The following FUBP1 variants were observed in gnomAD, a reference collection of about 807,000 sequenced individuals.
FUBP1 encodes far upstream element binding protein 1.
A neutral mutation model predicts 94.9 loss-of-function variants in FUBP1; 16 were observed. That is an observed-to-expected ratio of 0.17 (90% CI 0.11 to 0.26). The LOEUF (loss-of-function observed/expected upper bound fraction) is 0.26. Among genes scored for constraint, FUBP1 ranks in the 10% least tolerant of loss-of-function variants. The probability of loss-of-function intolerance (pLI) is 1.00; values close to 1 mark genes in which losing one functional copy is unlikely to be tolerated. For synonymous variants in FUBP1, 279 were observed against 254.9 expected, an observed-to-expected ratio of 1.09 and a Z score of -0.90; for missense variants, 583 against 808.6, an observed-to-expected ratio of 0.72 and a Z score of 3.38.
At chr1:77,973,037 A>G (rs933353834) in intron 1 of FUBP1, among the ~76,000 whole-genome samples, 1 of 151,808 alleles carries the variant, frequency 6.6e-6, no homozygotes, top group Non-Finnish European at 1.5e-5. Flanking sequence ...AACTGAAAAA[A>G]CAAAATGAAC....
In FUBP1 at chr1:77,969,914, G is replaced by A. The variant is rs530932701; in HGVS notation, c.211+11C>T. The A allele has an allele frequency of 3.2e-6, 4 of 1,231,684 alleles. No homozygotes were observed. Among genetic ancestry groups the A allele is most frequent in the Admixed American group, 1.9e-5 (1 of 53,222 alleles). The allele number at this position is 1,231,684 out of a possible 1,614,324, so 76.3% of individuals were successfully genotyped here. Reference sequence around the variant, plus strand: ...TGAAAAACAATTTAAAATACTTAGAGTATAACTTACCTCCATCTTCTAAAG... The same window carrying A: ...TGAAAAACAATTTAAAATACTTAGAATATAACTTACCTCCATCTTCTAAAG... On this transcript the variant is annotated intron_variant, in intron 2 of 19. Coordinates refer to ENST00000370768, the MANE Select transcript of FUBP1 (RefSeq NM_003902.5).
intron 18 of FUBP1, among the ~76,000 whole-genome samples, chr1:77,954,068 C>T (rs146120562): frequency 3.3e-5 from 5 of 152,282 alleles, no homozygotes; most frequent in Admixed American, 6.5e-5. Flanking sequence ...TCAAGGAATC[C>T]TTCCACCTTA....
intron 18 of FUBP1, among the ~76,000 whole-genome samples, chr1:77,950,729 T>C (rs1346480087): frequency 4.6e-5 from 7 of 152,304 alleles, no homozygotes; most frequent in East Asian, 1.9e-4. Context: ...ATAACTACCA[T>C]AGACAAAAAT....
chr1:77,969,616 A>G (rs1657138837), intron 2 of FUBP1, among the ~76,000 whole-genome samples: 1 of 152,136 alleles, frequency 6.6e-6, no homozygotes, highest in South Asian at 2.1e-4. Context: ...AGCAATTTAT[A>G]TGTTTTTTAA....
At chr1:77,973,059 T>C (rs1393547315) in intron 1 of FUBP1, among the ~76,000 whole-genome samples, 2 of 151,084 alleles carry the variant, frequency 1.3e-5, no homozygotes, top group African/African-American at 4.9e-5. Context: ...GTAGATTTGA[T>C]AATTTTCTAA....
chr1:77,969,809 A>C (rs1291395214), intron 2 of FUBP1, 116 bp downstream of exon 2: 1 of 483,788 alleles, frequency 2.1e-6, no homozygotes, highest in Non-Finnish European at 3.7e-6. Flanking sequence ...ACAGCTTACA[A>C]TTTTAACAAC....
At chr1:77,967,130 C>G in intron 4 of FUBP1, 29 bp from the exon 5 acceptor site, 1 of 1,405,200 alleles carries the variant, frequency 7.1e-7, no homozygotes, top group Non-Finnish European at 9.9e-7. Flanking sequence ...CACCATTTTC[C>G]TTCAATGAAA....
chr1:77,968,258 C>A, intron 2 of FUBP1, 55 bp from the exon 3 acceptor site: 1 of 925,072 alleles, frequency 1.1e-6, no homozygotes, highest in South Asian at 1.6e-5. Flanking sequence ...AGCTTCTCCC[C>A]TCCCAAACAA....
rs749654852 is a variant in FUBP1, at chr1:77,966,873, T to C, written c.415+11A>G. 37 of 1,530,836 alleles carry C rather than the reference T, an allele frequency of 2.4e-5. No individual in the cohort carries two copies. Among genetic ancestry groups the C allele is most frequent in the Non-Finnish European group, 3.3e-5 (36 of 1,105,476 alleles). 94.8% of individuals were successfully genotyped at this position (1,530,836 alleles called of 1,614,324 possible). On this transcript the variant is annotated intron_variant, in intron 6 of 19. Coordinates refer to ENST00000370768, the MANE Select transcript of FUBP1 (RefSeq NM_003902.5). The stretch of plus-strand genomic sequence containing the variant: ...AGTCACACTGAAAATACCATGAGAA[T>C]GTAACATTACCAGGAGCTATCTGTA...
At chr1:77,978,569 C>T (rs530240170) in intron 1 of FUBP1, among the ~76,000 whole-genome samples, 3 of 152,316 alleles carry the variant, frequency 2.0e-5, no homozygotes, top group South Asian at 4.1e-4. Context: ...AAACTAACTG[C>T]GCTTTATCCC....
intron 1 of FUBP1, among the ~76,000 whole-genome samples, chr1:77,973,073 C>G (rs1336728527): frequency 6.6e-6 from 1 of 150,710 alleles, no homozygotes; most frequent in Non-Finnish European, 1.5e-5. Context: ...TTTCTAAGAT[C>G]TATAGAAAAT....
At position 77,967,069 on chromosome 1, in the gene FUBP1, G is replaced by A. The variant is rs755383241; in HGVS notation, c.323C>T (p.Pro108Leu). 1 of 1,590,384 alleles carries A rather than the reference G, an allele frequency of 6.3e-7. No homozygotes were observed. The highest frequency in any genetic ancestry group is 8.6e-7 in the Non-Finnish European group (1 of 1,161,062). ...CTTACTGAATCCAACCATTCCATCT[G>A]GAACTTTGTATTCTTCTGTCATTAC... Reference protein sequence around the residue: ...RSVMTEEYKVPDGMVGFIIGR... With the variant: ...RSVMTEEYKVLDGMVGFIIGR... The change falls in exon 5 of 20, where the codon CCA (proline) becomes CTA (leucine). Residue 108 changes from proline to leucine, a missense_variant. Coordinates refer to ENST00000370768, the MANE Select transcript of FUBP1 (RefSeq NM_003902.5).
chr1:77,948,816 G>C, intron 19 of FUBP1, 42 bp from the exon 20 acceptor site: 1 of 1,606,796 alleles, frequency 6.2e-7, no homozygotes, highest in Non-Finnish European at 8.5e-7. Flanking sequence ...AAAAGTTAAA[G>C]AAAATCCTTG....
intron 7 of FUBP1, 66 bp downstream of exon 7, chr1:77,966,628 A>G (rs2102416140): frequency 4.9e-6 from 4 of 822,222 alleles, no homozygotes; most frequent in Non-Finnish European, 8.4e-6. Context: ...AACAAAGAGA[A>G]GAGACAAAAT....
intron 18 of FUBP1, among the ~76,000 whole-genome samples, chr1:77,954,987 T>C (rs1237284977): frequency 2.0e-5 from 3 of 152,230 alleles, no homozygotes; most frequent in Admixed American, 6.5e-5. Flanking sequence ...ACTGATAATA[T>C]ATATAACTGT....
chr1:77,959,060 C>T (rs943784290), intron 16 of FUBP1, among the ~76,000 whole-genome samples: 30 of 152,198 alleles, frequency 2.0e-4, no homozygotes, highest in African/African-American at 7.0e-4. Flanking sequence ...GCTGTGTCAT[C>T]ATATTCCAAA....
At chr1:77,967,795 C>A (rs1304326432) in intron 3 of FUBP1, 129 bp from the exon 4 acceptor site, 8 of 593,412 alleles carry the variant, frequency 1.3e-5, no homozygotes, top group African/African-American at 7.5e-5. Flanking sequence ...TGAAGAGAGT[C>A]AAATTTTTTA....
intron 1 of FUBP1, among the ~76,000 whole-genome samples, chr1:77,976,788 C>T (rs1180448719): frequency 6.6e-6 from 1 of 152,194 alleles, no homozygotes; most frequent in Non-Finnish European, 1.5e-5. Context: ...CCACCGTACC[C>T]GGCCTGAAAT....
intron 14 of FUBP1, 23 bp from the exon 15 acceptor site, chr1:77,960,518 G>GA: frequency 6.4e-7 from 1 of 1,572,386 alleles, no homozygotes; most frequent in South Asian, 1.1e-5. Flanking sequence ...GGATGACATA[G>GA]AAAAATCAGA....
Sources: gnomAD v4.1 joint callset for allele counts (sites outside exome capture counted in the v4.1 genomes callset) on GRCh38, gnomAD v4.1.1 for gene constraint, MANE v1.5 for transcripts, NCBI Gene and HGNC (gene_info 2026-07-23, HGNC 2026-07-21) for gene names.